The following NR2F1-AS1 variants were observed in gnomAD, a reference collection of about 807,000 sequenced individuals.
NR2F1-AS1 encodes NR2F1 antisense RNA 1.
At chr5:93,546,074 G>A (rs1171675616) in intron 4 of NR2F1-AS1, among the ~76,000 whole-genome samples, 1 of 152,142 alleles carries the variant, frequency 6.6e-6, no homozygotes, top group African/African-American at 2.4e-5. Context: ...ATAACTGTGG[G>A]CAAGTTAATT....
chr5:93,492,598 C>T (rs1446864754), intron 4 of NR2F1-AS1, among the ~76,000 whole-genome samples: 1 of 152,016 alleles, frequency 6.6e-6, no homozygotes, highest in Non-Finnish European at 1.5e-5. Flanking sequence ...AAAACTATAA[C>T]TCAATATCCC....
At chr5:93,481,542 A>C (rs773637215) in intron 4 of NR2F1-AS1, among the ~76,000 whole-genome samples, 8 of 152,140 alleles carry the variant, frequency 5.3e-5, no homozygotes, top group Non-Finnish European at 1.2e-4. Context: ...TTTGAACAAC[A>C]CTATAAAGCA....
At chr5:93,539,683 T>C (rs1751910343) in intron 4 of NR2F1-AS1, among the ~76,000 whole-genome samples, 1 of 152,118 alleles carries the variant, frequency 6.6e-6, no homozygotes, top group South Asian at 2.1e-4. Context: ...AAAAAATTCT[T>C]GTGTTCTATT....
intron 4 of NR2F1-AS1, among the ~76,000 whole-genome samples, chr5:93,494,080 T>G (rs1750908390): frequency 6.6e-6 from 1 of 152,112 alleles, no homozygotes; most frequent in Admixed American, 6.6e-5. Context: ...TGATAAGAAA[T>G]TAATATCCCT....
At chr5:93,450,864 ATGAT>A (rs1749811343) in intron 4 of NR2F1-AS1, among the ~76,000 whole-genome samples, 1 of 140,864 alleles carries the variant, frequency 7.1e-6, no homozygotes, top group African/African-American at 2.6e-5. Flanking sequence ...GCAGTGAGCT[ATGAT>A]TGCACCACTG....
intron 2 of NR2F1-AS1, among the ~76,000 whole-genome samples, chr5:93,562,195 A>AAAAAG (rs1554072352): frequency 0.04 from 5,459 of 136,558 alleles, 467 homozygotes; most frequent in African/African-American, 0.15. Flanking sequence ...AAAAAAAAAA[A>AAAAAG]AAAAGAAAAG....
intron 4 of NR2F1-AS1, among the ~76,000 whole-genome samples, chr5:93,421,366 TAAA>T (rs34159028): frequency 5.6e-5 from 8 of 141,646 alleles, no homozygotes; most frequent in Non-Finnish European, 3.1e-5. Context: ...TCTTTTGAGT[TAAA>T]AAAAAAAAAA....
intron 4 of NR2F1-AS1, among the ~76,000 whole-genome samples, chr5:93,415,295 T>G (rs1238991552): frequency 2.0e-5 from 3 of 151,912 alleles, no homozygotes; most frequent in Non-Finnish European, 4.4e-5. Flanking sequence ...ATGTCTTTTT[T>G]GGGGGAGGTA....
At chr5:93,537,856 G>GA (rs1279042142) in intron 4 of NR2F1-AS1, among the ~76,000 whole-genome samples, 3 of 151,928 alleles carry the variant, frequency 2.0e-5, no homozygotes, top group Admixed American at 6.6e-5. Context: ...AGGCATATAA[G>GA]AAAAAAAATT....
chr5:93,448,574 G>C (rs1749766608), intron 4 of NR2F1-AS1, among the ~76,000 whole-genome samples: 2 of 152,128 alleles, frequency 1.3e-5, no homozygotes, highest in Non-Finnish European at 2.9e-5. Flanking sequence ...GCTTAGGTGT[G>C]GTACTTGCAT....
intron 3 of NR2F1-AS1, chr5:93,553,871 A>G (rs1752288075): frequency 6.6e-6 from 1 of 152,228 alleles, no homozygotes; most frequent in Non-Finnish European, 1.5e-5. Context: ...CATCTGTAAG[A>G]TGATTATTAC....
At chr5:93,585,231 A>G, upstream of NR2F1-AS1, 1 of 1,553,492 alleles carries the variant, frequency 6.4e-7, no homozygotes, top group Non-Finnish European at 8.7e-7. Context: ...GGCGGGGGAC[A>G]AGGGCCAGGG....
chr5:93,472,600 A>T (rs949656179), intron 4 of NR2F1-AS1, among the ~76,000 whole-genome samples: 1 of 151,984 alleles, frequency 6.6e-6, no homozygotes, highest in African/African-American at 2.4e-5. Flanking sequence ...TCAGACTACT[A>T]ATCATTAGGT....
At chr5:93,526,423 G>A (rs1016151063) in intron 4 of NR2F1-AS1, among the ~76,000 whole-genome samples, 1 of 152,120 alleles carries the variant, frequency 6.6e-6, no homozygotes. Flanking sequence ...GGTACAAAGA[G>A]GATCTGGTAC....
intron 4 of NR2F1-AS1, among the ~76,000 whole-genome samples, chr5:93,466,365 C>G (rs1253233201): frequency 6.6e-6 from 1 of 150,742 alleles, no homozygotes; most frequent in Non-Finnish European, 1.5e-5. Flanking sequence ...TGGTCTCGCT[C>G]TGTCACCCAG....
rs1751384772 is a variant in NR2F1-AS1 at position 93,515,573 on chromosome 5, A to ATGT, written n.638+38185_638+38187dup. Among the ~76,000 whole-genome samples the ATGT allele has an allele frequency of 3.9e-5, 6 of 152,068 alleles. No individual in the cohort carries two copies. In the South Asian group the frequency reaches 1.2e-3, roughly 31 times the overall value. On this transcript the variant is annotated intron_variant and non_coding_transcript_variant, in intron 4 of 5. Coordinates refer to ENST00000660523, the Ensembl canonical transcript of NR2F1-AS1. ...TAGACTATAAGCAAGGACAGAAACC[A>ATGT]TGTCTATTTTTACATTTACTTTATC... is the stretch of plus-strand genomic sequence containing the variant.
intron 3 of NR2F1-AS1, among the ~76,000 whole-genome samples, chr5:93,554,077 A>C (rs1339519378): frequency 3.9e-5 from 6 of 152,138 alleles, no homozygotes; most frequent in Admixed American, 3.9e-4. Flanking sequence ...ACTTACCTAA[A>C]TATGCAAATA....
chr5:93,517,261 TGTAGA>T (rs1341054468), intron 4 of NR2F1-AS1, among the ~76,000 whole-genome samples: 1 of 151,942 alleles, frequency 6.6e-6, no homozygotes, highest in Non-Finnish European at 1.5e-5. Context: ...GTGCTGGCAT[TGTAGA>T]GTAGAGCCTT....
intron 4 of NR2F1-AS1, among the ~76,000 whole-genome samples, chr5:93,527,981 G>C (rs1751657518): frequency 6.6e-6 from 1 of 152,158 alleles, no homozygotes; most frequent in African/African-American, 2.4e-5. Context: ...GGCAACAAAA[G>C]CCAAACTAAC....
Sources: allele counts gnomAD v4.1 joint callset (sites outside exome capture counted in the v4.1 genomes callset), GRCh38; gene constraint gnomAD v4.1.1; transcripts MANE v1.5; gene names NCBI Gene and HGNC (gene_info 2026-07-23, HGNC 2026-07-21).